The following RHOU variants were observed in gnomAD, a reference collection of about 807,000 sequenced individuals.
RHOU encodes ras homolog family member U.
RHOU carries 8 observed loss-of-function variants against 12.6 expected under a neutral mutation model. The observed-to-expected ratio is 0.64, with a 90% CI of 0.37 to 1.15. The LOEUF (loss-of-function observed/expected upper bound fraction) is 1.15. RHOU is among the 50% of genes most tolerant of loss of function. RHOU has a pLI of 0.01. For missense variants in RHOU, 258 were observed against 347.0 expected (o/e 0.74, Z 2.04); for synonymous variants, 161 against 147.4 (o/e 1.09, Z -0.67).
At chr1:228,719,755 AAAC>A in the RHOU span, among the ~76,000 whole-genome samples, 1 of 152,028 alleles carries the variant, frequency 6.6e-6, no homozygotes, top group Non-Finnish European at 1.5e-5. Flanking sequence ...ACATACAAGC[AAAC>A]AACAACAACA....
the RHOU span, among the ~76,000 whole-genome samples, chr1:228,646,636 T>G: frequency 7.0e-6 from 1 of 142,306 alleles, no homozygotes. Context: ...GGCCCTGTTT[T>G]GCCCCGGGCT....
chr1:228,731,123 A>C (rs1187232530), upstream of RHOU, among the ~76,000 whole-genome samples: 1 of 152,196 alleles, frequency 6.6e-6, no homozygotes, highest in East Asian at 1.9e-4. Context: ...ATACTGTGCT[A>C]GGGGAAGAGT....
chr1:228,722,906 C>A, the RHOU span, among the ~76,000 whole-genome samples: 2 of 152,218 alleles, frequency 1.3e-5, no homozygotes, highest in African/African-American at 2.4e-5. Context: ...CAGGCATGAG[C>A]CACCATTCCC....
chr1:228,687,972 T>G, the RHOU span: 1 of 620,036 alleles, frequency 1.6e-6, no homozygotes, highest in Non-Finnish European at 2.9e-6. Context: ...CCTTCCTCCC[T>G]CCCTCCCTCC....
chr1:228,682,115 T>C, the RHOU span, among the ~76,000 whole-genome samples: 1 of 152,088 alleles, frequency 6.6e-6, no homozygotes, highest in Non-Finnish European at 1.5e-5. Flanking sequence ...GTCTCGTTTG[T>C]CTCTATTAGA....
At chr1:228,705,561 G>C in the RHOU span, among the ~76,000 whole-genome samples, 4 of 152,160 alleles carry the variant, frequency 2.6e-5, no homozygotes, top group African/African-American at 9.7e-5. Flanking sequence ...AAATGCAAAA[G>C]TCCCTGCAAA....
chr1:228,675,402 G>A, the RHOU span, among the ~76,000 whole-genome samples: 8 of 151,638 alleles, frequency 5.3e-5, no homozygotes, highest in African/African-American at 1.9e-4. Context: ...ATTTTAGATT[G>A]ACTTTTAAAT....
At chr1:228,649,253 T>G in the RHOU span, among the ~76,000 whole-genome samples, 1 of 152,204 alleles carries the variant, frequency 6.6e-6, no homozygotes. Flanking sequence ...CAAACATTAC[T>G]AATTTTGGGC....
chr1:228,743,432 A>G lies in RHOU; in HGVS notation c.469A>G (p.Ile157Val), dbSNP rs763438997. Residue 157 changes from isoleucine (I) to valine (V), a missense_variant, in exon 3 of 3, where the codon ATC becomes GTC. Ile to Val is a conservative substitution (Grantham distance 29, BLOSUM62 3). Transcript: ENST00000366691. The surrounding 1 kb of genome is among the most constrained non-coding windows in gnomAD (Gnocchi z 5.1). ...IRCHCPKAPI[I>V]LVGTQSDLRE... ...ATGCCACTGTCCCAAAGCCCCCATCATCCTAGTTGGAACGCAGTCGGATCT... is the reference window on the plus strand; with the variant it reads ...ATGCCACTGTCCCAAAGCCCCCATCGTCCTAGTTGGAACGCAGTCGGATCT... The G allele has an allele frequency of 2.5e-6, 4 of 1,614,150 alleles. No homozygotes were observed. The East Asian group carries it at 6.7e-5, about 27-fold the overall frequency.
At chr1:228,704,401 A>T in the RHOU span, among the ~76,000 whole-genome samples, 1 of 152,152 alleles carries the variant, frequency 6.6e-6, no homozygotes, top group Non-Finnish European at 1.5e-5. Context: ...ACAAATAGTA[A>T]CTAAGCCAAA....
chr1:228,713,071 C>G, the RHOU span, among the ~76,000 whole-genome samples: 1 of 152,002 alleles, frequency 6.6e-6, no homozygotes, highest in South Asian at 2.1e-4. Context: ...GTGTTTGACC[C>G]ATTTCCTGGC....
At chr1:228,721,173 G>T in the RHOU span, among the ~76,000 whole-genome samples, 3 of 152,156 alleles carry the variant, frequency 2.0e-5, no homozygotes, top group Non-Finnish European at 2.9e-5. Flanking sequence ...GTGGTGGCAG[G>T]TGCCTGTAAT....
the RHOU span, among the ~76,000 whole-genome samples, chr1:228,708,793 A>G: frequency 2.0e-5 from 3 of 152,280 alleles, no homozygotes; most frequent in Admixed American, 6.5e-5. Context: ...GACAGGATCA[A>G]ATTCACACAT....
the RHOU span, among the ~76,000 whole-genome samples, chr1:228,708,308 C>T: frequency 1.3e-5 from 2 of 151,652 alleles, no homozygotes; most frequent in East Asian, 1.9e-4. Context: ...ATACAGAGAA[C>T]GCCACAAAGA....
chr1:228,743,353 C>G lies in RHOU; in HGVS notation c.390C>G (p.Val130=). Residue 130 remains valine, a synonymous_variant, in exon 3 of 3, where the codon GTC becomes GTG. Transcript: ENST00000366691. The surrounding 1 kb of genome is among the most constrained non-coding windows in gnomAD (Gnocchi z 5.1). ...ACATCTTCCTGCTCTGCTTCAGTGT[C>G]GTGAGCCCCTCATCCTTCCAGAACG... is the stretch of plus-strand genomic sequence containing the variant. ...NTDIFLLCFS[V]VSPSSFQNVS... is the part of the protein sequence containing the mutation. 1 of 1,614,200 alleles carries G rather than the reference C, an allele frequency of 6.2e-7. No individual in the cohort carries two copies. Among genetic ancestry groups the G allele is most frequent in the Non-Finnish European group, 8.5e-7 (1 of 1,180,030 alleles).
At chr1:228,697,969 T>G in the RHOU span, among the ~76,000 whole-genome samples, 1 of 152,234 alleles carries the variant, frequency 6.6e-6, no homozygotes, top group African/African-American at 2.4e-5. Context: ...ATCTATCATT[T>G]CAAAACTTAG....
chr1:228,715,939 A>G, the RHOU span, among the ~76,000 whole-genome samples: 8,609 of 148,330 alleles, frequency 0.058, 344 homozygotes, highest in Middle Eastern at 0.11. Context: ...TTTTGAGACA[A>G]GGTCTCACTC....
At chr1:228,682,673 G>A in the RHOU span, among the ~76,000 whole-genome samples, 2 of 152,186 alleles carry the variant, frequency 1.3e-5, no homozygotes, top group East Asian at 3.9e-4. Flanking sequence ...GGGTGGGGCA[G>A]AAACAAATCA....
At chr1:228,685,445 A>G in the RHOU span, among the ~76,000 whole-genome samples, 2 of 152,258 alleles carry the variant, frequency 1.3e-5, no homozygotes, top group East Asian at 3.8e-4. Context: ...GACTAGAAAG[A>G]GAGCAAATGC....
Sources: allele counts gnomAD v4.1 joint callset (sites outside exome capture counted in the v4.1 genomes callset), GRCh38; gene constraint gnomAD v4.1.1; non-coding constraint Gnocchi (gnomAD v3.1); transcripts MANE v1.5; gene names NCBI Gene and HGNC (gene_info 2026-07-23, HGNC 2026-07-21).